MCTP2: variants seen among roughly 807,000 people sequenced by gnomAD.
The protein encoded by MCTP2 is multiple C2 and transmembrane domain containing 2, also known as multiple C2 and transmembrane domain-containing protein 2.
Under a neutral mutation model 111.6 loss-of-function variants are expected in MCTP2, and 132 were observed. The ratio of observed to expected loss-of-function variants is 1.18; its 90% CI spans 1.03 to 1.37. MCTP2 has a LOEUF of 1.37. MCTP2 is among the 40% of genes most tolerant of loss of function. The probability of loss-of-function intolerance (pLI) is 0.00; values close to 1 mark genes in which losing one functional copy is unlikely to be tolerated. For missense variants in MCTP2, 1,183 were observed against 1,067.9 expected, an observed-to-expected ratio of 1.11 and a Z score of -1.50; for synonymous variants, 395 against 387.7, an observed-to-expected ratio of 1.02 and a Z score of -0.22.
intron 20 of MCTP2, among the ~76,000 whole-genome samples, chr15:94,462,922 C>T (rs1031383933): frequency 6.6e-6 from 1 of 152,204 alleles, no homozygotes; most frequent in Non-Finnish European, 1.5e-5. Context: ...TTTATGGCCA[C>T]TGACTTGACT....
At chr15:94,433,535 C>T (rs146594094) in intron 17 of MCTP2, among the ~76,000 whole-genome samples, 164 of 152,160 alleles carry the variant, frequency 1.1e-3, no homozygotes, top group Non-Finnish European at 1.9e-3. Context: ...ACATTTGGGC[C>T]ATTTCCAGTT....
At chr15:94,382,024 A>G (rs2080165699) in intron 12 of MCTP2, among the ~76,000 whole-genome samples, 1 of 152,250 alleles carries the variant, frequency 6.6e-6, no homozygotes. Flanking sequence ...CACAGAAGCT[A>G]CAAAGTCAGT....
In MCTP2 at chr15:94,470,328, T is replaced by C; in HGVS notation, c.2361-5T>C. ...GGAAATTATATTTATGTGGTTTGTC[T>C]ACAGCACATTTAACTGGACGGTCCC... On this transcript the variant is annotated splice_polypyrimidine_tract_variant and splice_region_variant and intron_variant, in intron 20 of 22. Transcript: ENST00000357742. 1 of 1,596,760 alleles carries C rather than the reference T, an allele frequency of 6.3e-7. No homozygotes were observed. The highest frequency in any genetic ancestry group is 1.3e-5 in the African/African-American group (1 of 74,686).
chr15:94,388,414 T>C (rs1249131342), intron 14 of MCTP2, among the ~76,000 whole-genome samples: 1 of 152,194 alleles, frequency 6.6e-6, no homozygotes, highest in African/African-American at 2.4e-5. Flanking sequence ...GTGTGGGCTC[T>C]CCCTGAAATT....
intron 4 of MCTP2, among the ~76,000 whole-genome samples, chr15:94,326,857 C>T (rs1347689645): frequency 7.6e-6 from 1 of 131,656 alleles, no homozygotes; most frequent in African/African-American, 2.8e-5. Context: ...GCTGGGATTA[C>T]AGGCATTAGC....
chr15:94,267,647 A>G (rs1297505916), intron 1 of MCTP2, among the ~76,000 whole-genome samples: 1 of 152,116 alleles, frequency 6.6e-6, no homozygotes, highest in Non-Finnish European at 1.5e-5. Context: ...ATTATATAAG[A>G]AACTTTCAAG....
Position 94,311,766 on chromosome 15 carries a change from A to C in MCTP2, c.466-2516A>C, listed in dbSNP as rs2076153910. On this transcript the variant is annotated intron_variant, in intron 2 of 22. Coordinates refer to ENST00000357742, the MANE Select transcript of MCTP2 (RefSeq NM_001385001.1). ...TGTTGTTATAAGTGGAAGACTTATC[A>C]CATATTTGAATAAAAGCTCTGTTTT... 1.3e-5 allele frequency among the ~76,000 whole-genome samples: 2 copies of C among 152,256 alleles called. 1 individual carries two copies. Among genetic ancestry groups the C allele is most frequent in the South Asian group, 4.1e-4 (2 of 4,834 alleles).
intron 12 of MCTP2, among the ~76,000 whole-genome samples, chr15:94,378,782 A>C (rs1290559032): frequency 1.3e-5 from 2 of 152,210 alleles, no homozygotes; most frequent in Non-Finnish European, 2.9e-5. Flanking sequence ...AGAGAAGGCC[A>C]GGACCCATCT....
rs182092928 is a variant in MCTP2, at chr15:94,263,845, C to T, written c.-66+32181C>T. On this transcript the variant is annotated intron_variant, in intron 1 of 22. Coordinates refer to ENST00000357742, the MANE Select transcript of MCTP2 (RefSeq NM_001385001.1). ...CTGTGGGGTTATAAAGAAACTTTAG[C>T]GAGTATACCAGTTCACAAATGAGAA... is the stretch of plus-strand genomic sequence containing the variant. 8.5e-5 allele frequency among the ~76,000 whole-genome samples: 13 copies of T among 152,286 alleles called. No individual in the cohort carries two copies. In the East Asian group the frequency reaches 1.7e-3, roughly 20 times the overall value.
intron 2 of MCTP2, among the ~76,000 whole-genome samples, chr15:94,298,935 C>T (rs1439012462): frequency 3.3e-4 from 2 of 6,068 alleles, no homozygotes; most frequent in African/African-American, 2.0e-3. Flanking sequence ...CTCTTTCCCT[C>T]TCCCTCTCTC....
chr15:94,326,847 G>A (rs2076907432), intron 4 of MCTP2, among the ~76,000 whole-genome samples: 1 of 87,754 alleles, frequency 1.1e-5, no homozygotes, highest in Non-Finnish European at 2.2e-5. Context: ...CTCCCAAAGT[G>A]CTGGGATTAC....
At chr15:94,351,024 T>C (rs1212265473) in intron 8 of MCTP2, among the ~76,000 whole-genome samples, 1 of 147,366 alleles carries the variant, frequency 6.8e-6, no homozygotes, top group Non-Finnish European at 1.5e-5. Flanking sequence ...AAAAATTGAG[T>C]GACAATTTTA....
At chr15:94,323,427 C>T (rs2076714024) in intron 4 of MCTP2, among the ~76,000 whole-genome samples, 1 of 152,166 alleles carries the variant, frequency 6.6e-6, no homozygotes, top group Non-Finnish European at 1.5e-5. Context: ...ATCATGGGCA[C>T]AGAAGACTAT....
At chr15:94,381,521 C>A (rs1391381593) in intron 12 of MCTP2, among the ~76,000 whole-genome samples, 2 of 152,200 alleles carry the variant, frequency 1.3e-5, no homozygotes, top group South Asian at 2.1e-4. Flanking sequence ...ACGAGCCCAC[C>A]TGTGCCTCAA....
rs2073817852 is a variant in MCTP2, at chr15:94,470,361, T to A, written c.2389T>A (p.Ser797Thr). The change falls in exon 21 of 23, where the codon TCA becomes ACA. Residue 797 changes from serine (S) to threonine (T), a missense_variant. By Grantham distance (58) the Ser-to-Thr change is moderately conservative. Coordinates refer to ENST00000357742, the MANE Select transcript of MCTP2 (RefSeq NM_001385001.1). ...NTFNWTVPFL[S>T]SLACLILAAA... ...ATTTAACTGGACGGTCCCCTTCCTT[T>A]CATCTCTGGCCTGTTTGATTCTGGC... 1 of 1,613,874 alleles carries A rather than the reference T, an allele frequency of 6.2e-7. No individual in the cohort carries two copies. Among genetic ancestry groups the A allele is most frequent in the East Asian group, 2.2e-5 (1 of 44,880 alleles).
chr15:94,390,062 A>ACATATATATATATG (rs1240110752), intron 14 of MCTP2, among the ~76,000 whole-genome samples: 3 of 10,262 alleles, frequency 2.9e-4, no homozygotes, highest in Non-Finnish European at 8.2e-4. Flanking sequence ...ATATATATAT[A>ACATATATATATATG]TATATATATA....
chr15:94,356,703 T>A (rs3825966), intron 9 of MCTP2, among the ~76,000 whole-genome samples: 2 of 152,098 alleles, frequency 1.3e-5, no homozygotes, highest in Non-Finnish European at 2.9e-5. Context: ...AATATTTGCT[T>A]TCTCTTGCTT....
chr15:94,339,517 C>A, intron 5 of MCTP2, 85 bp downstream of exon 5: 2 of 1,055,196 alleles, frequency 1.9e-6, no homozygotes, highest in South Asian at 2.3e-5. Context: ...GTGAACTTGC[C>A]AAAATTAATT....
chr15:94,384,316 G>A (rs1172283155), intron 13 of MCTP2, among the ~76,000 whole-genome samples, 192 bp downstream of exon 13: 1 of 152,032 alleles, frequency 6.6e-6, no homozygotes, highest in Admixed American at 6.6e-5. Context: ...GAACTGCAAG[G>A]GACTTTTATA....
Sources: allele counts gnomAD v4.1 joint callset (sites outside exome capture counted in the v4.1 genomes callset), GRCh38; gene constraint gnomAD v4.1.1; transcripts MANE v1.5; gene names NCBI Gene and HGNC (gene_info 2026-07-23, HGNC 2026-07-21).